Variants in PAM observed in about 807,000 individuals in gnomAD.
PAM encodes the protein peptidyl-glycine alpha-amidating monooxygenase.
Under a neutral mutation model 122.1 loss-of-function variants are expected in PAM, and 72 were observed. The ratio of observed to expected loss-of-function variants is 0.59; its 90% confidence interval spans 0.49 to 0.72. The LOEUF (loss-of-function observed/expected upper bound fraction) is 0.72, where lower values mean the gene tolerates loss of function less well. PAM is among the 30% of genes least tolerant of loss of function. The probability of loss-of-function intolerance (pLI) is 0.00; values close to 1 mark genes in which losing one functional copy is unlikely to be tolerated. For missense variants in PAM, 1,106 were observed against 1,183.7 expected (o/e 0.93, Z 0.96); for synonymous variants, 389 against 404.4 (o/e 0.96, Z 0.46).
At chr5:103,025,370 C>T in intron 24 of PAM, 36 bp downstream of exon 24, 1 of 1,523,630 alleles carries the variant, frequency 6.6e-7, no homozygotes, top group Non-Finnish European at 9.1e-7. Context: ...TGGAACCTGC[C>T]TTTGAAAGAG....
chr5:102,827,801 C>T (rs1774131180), intron 1 of PAM, among the ~76,000 whole-genome samples: 1 of 35,232 alleles, frequency 2.8e-5, no homozygotes. Context: ...ATTCTCCTGC[C>T]TCAGCCTCCC....
chr5:102,875,787 G>A (rs1788985892), intron 3 of PAM, among the ~76,000 whole-genome samples: 1 of 152,150 alleles, frequency 6.6e-6, no homozygotes, highest in African/African-American at 2.4e-5. Flanking sequence ...GAATGGCTTG[G>A]CTTTGTCTCA....
chr5:102,760,065 G>A (rs902804690), intron 1 of PAM, among the ~76,000 whole-genome samples: 3 of 152,212 alleles, frequency 2.0e-5, no homozygotes, highest in Non-Finnish European at 4.4e-5. Flanking sequence ...TGCATGTCTT[G>A]TGAGCAAAGG....
intron 1 of PAM, among the ~76,000 whole-genome samples, chr5:102,860,077 T>C (rs528975778): frequency 6.6e-6 from 1 of 152,314 alleles, no homozygotes; most frequent in South Asian, 2.1e-4. Context: ...TGTTCTATAA[T>C]TTGCTGTTCA....
intron 15 of PAM, among the ~76,000 whole-genome samples, chr5:102,983,071 T>TA (rs1770457345): frequency 6.6e-6 from 1 of 151,510 alleles, no homozygotes; most frequent in African/African-American, 2.4e-5. Context: ...TCAAATGAAA[T>TA]AAAAAATACA....
At chr5:102,966,549 G>C (rs1764137937) in intron 14 of PAM, among the ~76,000 whole-genome samples, 1 of 152,014 alleles carries the variant, frequency 6.6e-6, no homozygotes, top group African/African-American at 2.4e-5. Context: ...ATTTCTCTAA[G>C]GCTAGAGAAT....
chr5:102,872,410 A>T (rs1787834864), intron 3 of PAM, among the ~76,000 whole-genome samples: 1 of 152,218 alleles, frequency 6.6e-6, no homozygotes, highest in East Asian at 1.9e-4. Flanking sequence ...TACTCCTACA[A>T]AATGTTCTCA....
chr5:102,998,322 T>C lies in PAM; in HGVS notation c.1614-4711T>C, dbSNP rs557582360. ...GAGAAACCATGGGGGCAAGTAAATATATCAGGTTTCCCTAATGTTTTGTCA... is the reference window on the plus strand; with the variant it reads ...GAGAAACCATGGGGGCAAGTAAATACATCAGGTTTCCCTAATGTTTTGTCA... On this transcript the variant is annotated intron_variant, in intron 16 of 25. Transcript: ENST00000438793. Among the ~76,000 whole-genome samples the C allele has an allele frequency of 2.6e-5, 4 of 152,304 alleles. No homozygotes were observed. The South Asian group carries it at 8.3e-4, about 32-fold the overall frequency.
At chr5:102,946,506 G>T (rs1034746176) in intron 7 of PAM, among the ~76,000 whole-genome samples, 6 of 149,540 alleles carry the variant, frequency 4.0e-5, no homozygotes, top group Non-Finnish European at 7.4e-5. Flanking sequence ...ACTTTTCTGG[G>T]TTTTTCAACA....
chr5:102,921,066 T>C (rs375749165), intron 5 of PAM, among the ~76,000 whole-genome samples: 2 of 152,244 alleles, frequency 1.3e-5, no homozygotes, highest in Non-Finnish European at 2.9e-5. Context: ...CTAGTTTTAT[T>C]TTCAAATGTT....
chr5:102,814,497 GCGTC>G (rs1465499260), intron 1 of PAM, among the ~76,000 whole-genome samples: 4 of 146,752 alleles, frequency 2.7e-5, no homozygotes, highest in African/African-American at 7.6e-5. Context: ...TAAGCCAAAA[GCGTC>G]TCTCTCTCTC....
chr5:102,772,395 G>A (rs2431531), intron 1 of PAM, among the ~76,000 whole-genome samples: 63,688 of 151,804 alleles, frequency 0.42, 13,491 homozygotes, highest in African/African-American at 0.46. Flanking sequence ...GGCCTGTTTT[G>A]TGCTGTCTTC....
At chr5:102,878,717 A>G (rs530878054) in intron 3 of PAM, among the ~76,000 whole-genome samples, 35 of 152,192 alleles carry the variant, frequency 2.3e-4, no homozygotes, top group African/African-American at 8.2e-4. Flanking sequence ...TTAGTTTTTA[A>G]CAAAAATGTT....
chr5:102,863,168 G>GCTCTTTGACCAGTAAC (rs1200561618), intron 1 of PAM, among the ~76,000 whole-genome samples: 1 of 144,990 alleles, frequency 6.9e-6, no homozygotes, highest in African/African-American at 2.9e-5. Flanking sequence ...AGATTTTATG[G>GCTCTTTGACCAGTAAC]ATATGTAAAC....
intron 1 of PAM, among the ~76,000 whole-genome samples, chr5:102,831,407 G>T (rs1332849748): frequency 6.7e-6 from 1 of 150,190 alleles, no homozygotes; most frequent in Non-Finnish European, 1.5e-5. Flanking sequence ...TTTTAAGTAT[G>T]ACCCTTCATT....
intron 1 of PAM, among the ~76,000 whole-genome samples, chr5:102,809,552 G>A (rs1040969381): frequency 3.9e-5 from 6 of 152,170 alleles, no homozygotes; most frequent in African/African-American, 1.2e-4. Context: ...GGCAGATGGC[G>A]TTGCTGACAG....
At chr5:102,812,431 G>A (rs1166585385) in intron 1 of PAM, among the ~76,000 whole-genome samples, 2 of 151,774 alleles carry the variant, frequency 1.3e-5, no homozygotes, top group Non-Finnish European at 2.9e-5. Flanking sequence ...GTTAGTTTTG[G>A]ACAGAAAGCC....
intron 23 of PAM, among the ~76,000 whole-genome samples, chr5:103,022,213 C>T (rs1269723946): frequency 6.9e-6 from 1 of 144,920 alleles, no homozygotes; most frequent in Non-Finnish European, 1.5e-5. Context: ...TGGTAAGCAA[C>T]ACATTGTAAG....
intron 15 of PAM, chr5:102,989,731 A>G (rs1334083358): frequency 6.6e-6 from 1 of 152,086 alleles, no homozygotes; most frequent in Non-Finnish European, 1.5e-5. Context: ...GGAATAATCA[A>G]TGAGTGGTTT....
Sources: gnomAD v4.1 joint callset for allele counts (sites outside exome capture counted in the v4.1 genomes callset) on GRCh38, gnomAD v4.1.1 for gene constraint, MANE v1.5 for transcripts, NCBI Gene and HGNC (gene_info 2026-07-23, HGNC 2026-07-21) for gene names.